FRMD4A: variants seen among roughly 807,000 people sequenced by gnomAD.
FRMD4A encodes the protein FERM domain containing 4A.
A neutral mutation model predicts 129.1 loss-of-function variants in FRMD4A; 29 were observed. The observed-to-expected ratio is 0.22, with a 90% CI of 0.17 to 0.31. The LOEUF (loss-of-function observed/expected upper bound fraction) is 0.31. Ranked by LOEUF, FRMD4A falls within the 10% of genes least tolerant of loss-of-function variation. FRMD4A has a pLI of 1.00. For synonymous variants in FRMD4A, 634 were observed against 571.6 expected, an observed-to-expected ratio of 1.11 and a Z score of -1.56; for missense variants, 1,272 against 1,375.8, an observed-to-expected ratio of 0.92 and a Z score of 1.19.
At chr10:14,272,258 A>G (rs1020407299) in intron 2 of FRMD4A, among the ~76,000 whole-genome samples, 2 of 152,152 alleles carry the variant, frequency 1.3e-5, no homozygotes, top group Non-Finnish European at 2.9e-5. Flanking sequence ...GCTGGCTCTG[A>G]ACCCCTCAGC....
At chr10:14,185,588 AAGAGAAACAGGT>A (rs777976852) in intron 2 of FRMD4A, among the ~76,000 whole-genome samples, 100 of 151,126 alleles carry the variant, frequency 6.6e-4, no homozygotes, top group South Asian at 1.3e-3. Flanking sequence ...TCTTGTAAGA[AAGAGAAACAGGT>A]AGAGAGACAG....
intron 2 of FRMD4A, among the ~76,000 whole-genome samples, chr10:13,902,456 GGAGAGAGAGAGAGAGA>G (rs140040052): frequency 5.5e-5 from 7 of 127,698 alleles, no homozygotes; most frequent in Non-Finnish European, 1.1e-4. Context: ...GCAAAATACT[GGAGAGAGAGAGAGAGA>G]GAGAGAGAGA....
intron 2 of FRMD4A, among the ~76,000 whole-genome samples, chr10:14,104,176 G>T (rs770845173): frequency 6.6e-6 from 1 of 151,806 alleles, no homozygotes; most frequent in Non-Finnish European, 1.5e-5. Context: ...TGCCATCAAG[G>T]TTACACTGCC....
intron 2 of FRMD4A, among the ~76,000 whole-genome samples, chr10:14,141,831 G>T (rs766404090): frequency 1.3e-5 from 2 of 152,142 alleles, no homozygotes; most frequent in Non-Finnish European, 2.9e-5. Flanking sequence ...GTGTGTGCCT[G>T]CTTGTGTCTG....
chr10:13,940,703 T>A (rs1245713099), intron 2 of FRMD4A, among the ~76,000 whole-genome samples: 1 of 152,152 alleles, frequency 6.6e-6, no homozygotes, highest in East Asian at 1.9e-4. Flanking sequence ...AGTGATGGGA[T>A]GAGAATGTCA....
At chr10:14,264,761 A>T (rs140964862) in intron 2 of FRMD4A, among the ~76,000 whole-genome samples, 75 of 152,170 alleles carry the variant, frequency 4.9e-4, no homozygotes, top group Non-Finnish European at 8.5e-4. Flanking sequence ...ATCCATTAAC[A>T]TTATCCCAAG....
chr10:14,018,410 C>T lies in FRMD4A; in HGVS notation c.46-159498G>A, dbSNP rs550697545. Among the ~76,000 whole-genome samples, 18 of 126,706 alleles carry T rather than the reference C, an allele frequency of 1.4e-4. No homozygotes were observed. The East Asian group carries it at 4.2e-3, about 30-fold the overall frequency. The allele number at this position is 126,706 out of a possible 152,430, so 83.1% of individuals were successfully genotyped here. ...GGCAGAGGTTGCAGTGAGCCGAGGTCGTGCCACTGCACTCCAGCCTGGGCG... is the reference window on the plus strand; with the variant it reads ...GGCAGAGGTTGCAGTGAGCCGAGGTTGTGCCACTGCACTCCAGCCTGGGCG... On this transcript the variant is annotated intron_variant, in intron 2 of 24. Transcript: ENST00000357447.
chr10:13,833,257 T>C (rs1244527620), intron 3 of FRMD4A, among the ~76,000 whole-genome samples: 1 of 152,008 alleles, frequency 6.6e-6, no homozygotes, highest in Non-Finnish European at 1.5e-5. Flanking sequence ...ACAATCATGG[T>C]GGAAGAGCAA....
intron 2 of FRMD4A, among the ~76,000 whole-genome samples, chr10:13,924,837 G>C (rs1247047616): frequency 3.9e-5 from 6 of 151,938 alleles, no homozygotes; most frequent in African/African-American, 1.4e-4. Context: ...GGCCGAAGCG[G>C]GCGGATCATG....
At chr10:13,717,265 T>C (rs1161986813) in intron 12 of FRMD4A, among the ~76,000 whole-genome samples, 1 of 152,246 alleles carries the variant, frequency 6.6e-6, no homozygotes, top group Non-Finnish European at 1.5e-5. Context: ...CCATTTCACC[T>C]GCTTTGGCCA....
chr10:14,129,981 G>T (rs1839155116), intron 2 of FRMD4A, among the ~76,000 whole-genome samples: 1 of 152,096 alleles, frequency 6.6e-6, no homozygotes, highest in South Asian at 2.1e-4. Context: ...GTCTTGCTAT[G>T]GTTCCAGGCT....
At chr10:13,813,437 T>C (rs533813421) in intron 3 of FRMD4A, among the ~76,000 whole-genome samples, 2 of 152,208 alleles carry the variant, frequency 1.3e-5, no homozygotes, top group South Asian at 4.1e-4. Context: ...CGAGACTGTC[T>C]CAAAATAAAA....
chr10:14,312,412 T>G (rs908882043), intron 2 of FRMD4A, among the ~76,000 whole-genome samples: 2 of 152,228 alleles, frequency 1.3e-5, no homozygotes, highest in Non-Finnish European at 2.9e-5. Flanking sequence ...CTAATTCGCA[T>G]GATATCCCTT....
chr10:14,271,538 C>A (rs1440786122), intron 2 of FRMD4A, among the ~76,000 whole-genome samples: 1 of 152,178 alleles, frequency 6.6e-6, no homozygotes, highest in Non-Finnish European at 1.5e-5. Flanking sequence ...TCACTCCACA[C>A]AGAGAGTGGC....
intron 2 of FRMD4A, among the ~76,000 whole-genome samples, chr10:14,065,373 C>A (rs910307351): frequency 6.6e-6 from 1 of 152,120 alleles, no homozygotes; most frequent in South Asian, 2.1e-4. Flanking sequence ...TTAGTAGAGA[C>A]AGGGTTTCAC....
chr10:13,717,101 G>A (rs2088883453), intron 12 of FRMD4A, among the ~76,000 whole-genome samples: 1 of 152,142 alleles, frequency 6.6e-6, no homozygotes, highest in Admixed American at 6.6e-5. Flanking sequence ...GTGACCCAGT[G>A]ATGTGTGGCT....
At chr10:13,746,549 C>A (rs568036038) in intron 9 of FRMD4A, among the ~76,000 whole-genome samples, 1 of 152,166 alleles carries the variant, frequency 6.6e-6, no homozygotes, top group Admixed American at 6.5e-5. Flanking sequence ...CCCAGACACA[C>A]GAATCAGTGA....
intron 2 of FRMD4A, among the ~76,000 whole-genome samples, chr10:13,923,860 A>C (rs2797861): frequency 6.6e-6 from 1 of 152,052 alleles, no homozygotes; most frequent in Non-Finnish European, 1.5e-5. Context: ...TGGAGAGGTG[A>C]ACATGGCACC....
At chr10:13,931,945 T>C (rs1031583845) in intron 2 of FRMD4A, among the ~76,000 whole-genome samples, 2 of 136,610 alleles carry the variant, frequency 1.5e-5, no homozygotes, top group Admixed American at 7.7e-5. Flanking sequence ...CAAGACTCTG[T>C]CTCAAAAACC....
Sources: allele counts gnomAD v4.1 joint callset (sites outside exome capture counted in the v4.1 genomes callset), GRCh38; gene constraint gnomAD v4.1.1; transcripts MANE v1.5; gene names NCBI Gene and HGNC (gene_info 2026-07-23, HGNC 2026-07-21).